The following TGFBRAP1 variants were observed in gnomAD, a reference collection of about 807,000 sequenced individuals.
TGFBRAP1 encodes the protein transforming growth factor-beta receptor-associated protein 1.
A neutral mutation model predicts 83.2 loss-of-function variants in TGFBRAP1; 20 were observed. That is an observed-to-expected ratio of 0.24 (90% CI 0.17 to 0.35). TGFBRAP1 has a LOEUF of 0.35. TGFBRAP1 is among the 10% of genes least tolerant of loss of function. The pLI is 1.00. For synonymous variants in TGFBRAP1, 415 were observed against 459.8 expected, an observed-to-expected ratio of 0.90 and a Z score of 1.25; for missense variants, 950 against 1,099.4, an observed-to-expected ratio of 0.86 and a Z score of 1.92.
chr2:105,317,788 A>C (rs921922081), intron 1 of TGFBRAP1, among the ~76,000 whole-genome samples: 2 of 152,230 alleles, frequency 1.3e-5, no homozygotes, highest in African/African-American at 4.8e-5. Context: ...CTCCTGCAGC[A>C]AGAAAGTCAA....
chr2:105,283,588 G>A (rs1242814127), intron 5 of TGFBRAP1, among the ~76,000 whole-genome samples: 1 of 152,218 alleles, frequency 6.6e-6, no homozygotes, highest in Admixed American at 6.5e-5. Context: ...TCTCATAGCA[G>A]GTCTAACTTA....
chr2:105,306,903 G>A (rs2104391675), intron 2 of TGFBRAP1, among the ~76,000 whole-genome samples: 1 of 151,948 alleles, frequency 6.6e-6, no homozygotes, highest in Middle Eastern at 3.4e-3. Context: ...AGTAAGTATG[G>A]ACCTAACCGC....
At chr2:105,252,455 G>T in the TGFBRAP1 span, among the ~76,000 whole-genome samples, 1 of 152,190 alleles carries the variant, frequency 6.6e-6, no homozygotes, top group Non-Finnish European at 1.5e-5. Flanking sequence ...CCTTGCAGGG[G>T]GTTCTGGGGA....
At chr2:105,267,847 T>C (rs1264726988) in intron 11 of TGFBRAP1, 1 of 985,344 alleles carries the variant, frequency 1.0e-6, no homozygotes, top group Non-Finnish European at 1.2e-6. Context: ...CAACATTCTC[T>C]GGCTCTGATC....
chr2:105,254,703 C>T, the TGFBRAP1 span, among the ~76,000 whole-genome samples: 2 of 152,052 alleles, frequency 1.3e-5, no homozygotes, highest in African/African-American at 4.8e-5. Context: ...CCCCTTCCTA[C>T]TACTATGGCA....
chr2:105,292,334 G>A (rs116333773), intron 4 of TGFBRAP1, among the ~76,000 whole-genome samples: 235 of 152,296 alleles, frequency 1.5e-3, no homozygotes, highest in Non-Finnish European at 2.1e-3. Flanking sequence ...ACTGCCTTCC[G>A]GGTATCAGCT....
intron 10 of TGFBRAP1, among the ~76,000 whole-genome samples, chr2:105,270,833 T>G (rs1349982227): frequency 6.6e-6 from 1 of 152,242 alleles, no homozygotes; most frequent in Non-Finnish European, 1.5e-5. Flanking sequence ...AAAAGATCAC[T>G]GTGGTGATTT....
chr2:105,319,059 C>CT (rs981054068), intron 1 of TGFBRAP1, among the ~76,000 whole-genome samples: 4 of 151,518 alleles, frequency 2.6e-5, no homozygotes, highest in Non-Finnish European at 4.4e-5. Context: ...GAATGAGAGC[C>CT]TTTTTTTGTG....
At chr2:105,271,446 G>GC (rs1188004731) in intron 10 of TGFBRAP1, among the ~76,000 whole-genome samples, 1 of 152,050 alleles carries the variant, frequency 6.6e-6, no homozygotes, top group East Asian at 1.9e-4. Context: ...TGAGTGAACA[G>GC]AGATTGCACA....
the TGFBRAP1 span, among the ~76,000 whole-genome samples, chr2:105,251,457 C>T: frequency 1.3e-5 from 2 of 151,680 alleles, no homozygotes; most frequent in South Asian, 2.1e-4. Context: ...GCCTGGCAAC[C>T]GCCCCGTCTG....
At position 105,307,934 on chromosome 2, in the gene TGFBRAP1, G is replaced by T. The variant is rs1235975352; in HGVS notation, c.368C>A (p.Ala123Glu). ...CCCACTCACAGGGTTCTCGTTCAGT[G>T]CAAACGTGGCTGCCCCCTTGATGCG... The part of the protein sequence containing the change: ...GARIKGAATF[A>E]LNENPVSGDP... Residue 123 changes from alanine (A) to glutamate (E), a missense_variant, in exon 2 of 12, where the codon GCA (alanine) becomes GAA (glutamate). Transcript: ENST00000393359. The T allele has an allele frequency of 6.2e-7, 1 of 1,614,234 alleles. No individual in the cohort carries two copies. Among genetic ancestry groups the T allele is most frequent in the African/African-American group, 1.3e-5 (1 of 75,062 alleles).
At chr2:105,273,435 T>TGGATCACCCAG in intron 9 of TGFBRAP1, 109 bp downstream of exon 9, 1 of 1,454,786 alleles carries the variant, frequency 6.9e-7, no homozygotes, top group South Asian at 1.4e-5. Context: ...CAAGTACGGA[T>TGGATCACCCAG]GGATCACCCA....
At chr2:105,285,797 C>T (rs1677698034) in intron 4 of TGFBRAP1, among the ~76,000 whole-genome samples, 1 of 152,194 alleles carries the variant, frequency 6.6e-6, no homozygotes, top group Admixed American at 6.5e-5. Flanking sequence ...AAGCAGGCTG[C>T]TTAAACCTTT....
chr2:105,326,227 T>C (rs1679223431), intron 1 of TGFBRAP1, among the ~76,000 whole-genome samples: 1 of 152,208 alleles, frequency 6.6e-6, no homozygotes, highest in Non-Finnish European at 1.5e-5. Flanking sequence ...GGTGTGTGTA[T>C]ACATACATAT....
chr2:105,267,928 AG>A (rs1174664475), intron 11 of TGFBRAP1: 34 of 969,788 alleles, frequency 3.5e-5, no homozygotes, highest in Non-Finnish European at 3.6e-5. Context: ...GTGTAACTCC[AG>A]GGTTCTCTCA....
rs1403193897 is a variant in TGFBRAP1, at chr2:105,273,008, C to G, written c.1819G>C (p.Glu607Gln). 1.2e-6 allele frequency: 2 copies of G among 1,609,782 alleles called. No individual in the cohort carries two copies. Among genetic ancestry groups the G allele is most frequent in the Non-Finnish European group, 8.5e-7 (1 of 1,178,882 alleles). Residue 607 changes from glutamate (E) to glutamine (Q), a missense_variant, in exon 10 of 12, where the codon GAG becomes CAG. Coordinates refer to ENST00000393359, the MANE Select transcript of TGFBRAP1 (RefSeq NM_004257.6). The part of the protein sequence containing the change: ...LVIDKRLQKE[E>Q]YHTHLAVLYL... ...AGCACAGCTAAGTGGGTGTGATACTCTTCTTTCTGCAGGAAACAGGGGGAG... is the reference window on the plus strand; with the variant it reads ...AGCACAGCTAAGTGGGTGTGATACTGTTCTTTCTGCAGGAAACAGGGGGAG...
chr2:105,322,915 A>AT (rs1220758842), intron 1 of TGFBRAP1, among the ~76,000 whole-genome samples: 1 of 152,136 alleles, frequency 6.6e-6, no homozygotes, highest in Non-Finnish European at 1.5e-5. Context: ...TTTGAGACGG[A>AT]TGGGGGGCAG....
the TGFBRAP1 span, among the ~76,000 whole-genome samples, chr2:105,251,170 A>C: frequency 1.4e-5 from 2 of 142,212 alleles, no homozygotes; most frequent in African/African-American, 5.4e-5. Context: ...GGATGTGAGG[A>C]GAGTCTCTGC....
intron 5 of TGFBRAP1, among the ~76,000 whole-genome samples, chr2:105,284,110 G>A (rs1199973288): frequency 6.6e-6 from 1 of 152,098 alleles, no homozygotes; most frequent in Non-Finnish European, 1.5e-5. Context: ...TAAGACATAG[G>A]CCAGTTAAAT....
Sources: gnomAD v4.1 joint callset for allele counts (sites outside exome capture counted in the v4.1 genomes callset) on GRCh38, gnomAD v4.1.1 for gene constraint, MANE v1.5 for transcripts, NCBI Gene and HGNC (gene_info 2026-07-23, HGNC 2026-07-21) for gene names.